Variants in TTLL7 observed in about 807,000 individuals in gnomAD.
TTLL7 encodes the protein tubulin polyglutamylase TTLL7.
A neutral mutation model predicts 120.2 loss-of-function variants in TTLL7; 53 were observed. That is an observed-to-expected ratio of 0.44 (90% CI 0.35 to 0.55). TTLL7 has a LOEUF of 0.55. Ranked by LOEUF, TTLL7 falls within the 20% of genes least tolerant of loss-of-function variation. The pLI, the probability that TTLL7 is intolerant of heterozygous loss-of-function variation, is 0.00. For missense variants in TTLL7, 803 were observed against 1,054.7 expected, an observed-to-expected ratio of 0.76 and a Z score of 3.31; for synonymous variants, 353 against 351.7, an observed-to-expected ratio of 1.00 and a Z score of -0.04.
intron 1 of TTLL7, among the ~76,000 whole-genome samples, chr1:83,991,947 T>C (rs1385824091): frequency 6.6e-6 from 1 of 152,172 alleles, no homozygotes; most frequent in African/African-American, 2.4e-5. Context: ...ACAGATACTC[T>C]CTTAAGCACA....
rs1654603267 is a variant in TTLL7, at chr1:83,882,461, G to A, written c.2543+502C>T. Among the ~76,000 whole-genome samples, 4 of 151,764 alleles carry A rather than the reference G, an allele frequency of 2.6e-5. No individual in the cohort carries two copies. The South Asian group carries it at 6.2e-4, about 24-fold the overall frequency. ...ACAATATTGCTTTTCATGCTTTTTG[G>A]AAAACTATTTTAACTGGATATTTAT... On this transcript the variant is annotated intron_variant, in intron 20 of 20. Transcript: ENST00000260505.
chr1:83,919,091 T>C (rs565656402), intron 13 of TTLL7, among the ~76,000 whole-genome samples: 71 of 152,124 alleles, frequency 4.7e-4, no homozygotes, highest in Non-Finnish European at 9.0e-4. Flanking sequence ...CTAGCCCCAG[T>C]TGGGCATTCA....
At chr1:83,886,865 TC>T (rs1655016030) in intron 19 of TTLL7, among the ~76,000 whole-genome samples, 1 of 151,970 alleles carries the variant, frequency 6.6e-6, no homozygotes, top group Admixed American at 6.6e-5. Flanking sequence ...TAAGTTTGAG[TC>T]CCATAGAACC....
chr1:83,934,717 T>C (rs939647512), intron 8 of TTLL7, among the ~76,000 whole-genome samples: 3 of 152,174 alleles, frequency 2.0e-5, no homozygotes, highest in Non-Finnish European at 1.5e-5. Context: ...GTATAGGCAA[T>C]AGAAAAAGAC....
Position 83,866,326 on chromosome 1 carries a change from A to G in TTLL7, c.*3636T>C, listed in dbSNP as rs937753623. The G allele has an allele frequency of 2.0e-5, 3 of 151,926 alleles. No individual in the cohort carries two copies. Among genetic ancestry groups the G allele is most frequent in the African/African-American group, 7.2e-5 (3 of 41,460 alleles). 9.4% of individuals were successfully genotyped at this position (151,926 alleles called of 1,614,324 possible). On this transcript the variant is annotated 3_prime_UTR_variant, in exon 21 of 21. Coordinates refer to ENST00000260505, the MANE Select transcript of TTLL7 (RefSeq NM_024686.6). ...CTAAAGAAATTTTTTAACTATTAGT[A>G]CTTTGACATGCTAAAGAAGAACGTA...
At chr1:83,945,747 TATATAA>T (rs1448838920) in intron 6 of TTLL7, among the ~76,000 whole-genome samples, 6 of 151,852 alleles carry the variant, frequency 4.0e-5, no homozygotes, top group African/African-American at 9.6e-5. Flanking sequence ...CAAATATAAG[TATATAA>T]ATATAGATAT....
At chr1:83,979,678 C>A (rs1277727584) in intron 1 of TTLL7, 1 of 152,134 alleles carries the variant, frequency 6.6e-6, no homozygotes, top group Non-Finnish European at 1.5e-5. Context: ...TTGGCCTACA[C>A]CTAGGAATGA....
intron 8 of TTLL7, among the ~76,000 whole-genome samples, chr1:83,937,502 C>T (rs992569278): frequency 6.6e-6 from 1 of 152,172 alleles, no homozygotes. Context: ...TGTGCCCGGC[C>T]TAGTACAGTA....
Position 83,865,612 on chromosome 1 carries a change from C to T in TTLL7, c.*4350G>A, listed in dbSNP as rs112661306. ...TAATATACCAATTTTGGTTGCAAGA[C>T]TTATTTGTAGCCATATATCTTGCTT... On this transcript the variant is annotated 3_prime_UTR_variant, in exon 21 of 21. Coordinates refer to ENST00000260505, the MANE Select transcript of TTLL7 (RefSeq NM_024686.6). 374 of 152,076 alleles carry T rather than the reference C, an allele frequency of 2.5e-3. 3 individuals are homozygous for T. Among genetic ancestry groups the T allele is most frequent in the African/African-American group, 8.7e-3 (363 of 41,542 alleles). 9.4% of individuals were successfully genotyped at this position (152,076 alleles called of 1,614,324 possible). A position where few individuals can be genotyped will look rare whatever the true frequency, so the allele number is the denominator to read the frequency against.
chr1:83,954,826 A>T (rs1649369092), intron 1 of TTLL7, among the ~76,000 whole-genome samples: 3 of 152,072 alleles, frequency 2.0e-5, no homozygotes. Context: ...CCAAATAGGT[A>T]AAAATTACCC....
Position 83,892,529 on chromosome 1 carries a change from TATGAACATATGA to T in TTLL7, c.2209-2060_2209-2049del, listed in dbSNP as rs1655696751. Among the ~76,000 whole-genome samples the T allele has an allele frequency of 5.7e-5, 3 of 53,080 alleles. No individual in the cohort carries two copies. In the South Asian group the frequency reaches 1.3e-3, roughly 24 times the overall value. 34.8% of individuals were successfully genotyped at this position (53,080 alleles called of 152,430 possible). A position where few individuals can be genotyped will look rare whatever the true frequency, so the allele number is the denominator to read the frequency against. On this transcript the variant is annotated intron_variant, in intron 18 of 20. Transcript: ENST00000260505. ...GAATGAACATATATATGAACATATATATGAACATATGAATGAACATATATATGAACATATGAA... is the reference window on the plus strand; with the variant it reads ...GAATGAACATATATATGAACATATATATGAACATATATATGAACATATGAA...
At chr1:83,964,503 G>A (rs770513272) in intron 1 of TTLL7, among the ~76,000 whole-genome samples, 3 of 151,958 alleles carry the variant, frequency 2.0e-5, no homozygotes. Context: ...TTTAATTATT[G>A]TTTCATTATT....
intron 1 of TTLL7, among the ~76,000 whole-genome samples, chr1:83,985,197 T>C (rs974131070): frequency 6.6e-6 from 1 of 152,128 alleles, no homozygotes. Flanking sequence ...AAGCCGACAG[T>C]ATAGCCTTCA....
chr1:83,933,415 A>G (rs963684370), intron 9 of TTLL7, among the ~76,000 whole-genome samples, 193 bp downstream of exon 9: 20 of 152,312 alleles, frequency 1.3e-4, no homozygotes, highest in Admixed American at 2.6e-4. Flanking sequence ...GGGAAAAGTA[A>G]TATCAAACAC....
At chr1:83,959,474 T>C (rs1649825266) in intron 1 of TTLL7, among the ~76,000 whole-genome samples, 1 of 152,156 alleles carries the variant, frequency 6.6e-6, no homozygotes, top group Non-Finnish European at 1.5e-5. Context: ...CATAATCTGC[T>C]TTGGAAAGCA....
intron 13 of TTLL7, among the ~76,000 whole-genome samples, chr1:83,919,104 T>C (rs150579763): frequency 6.6e-6 from 1 of 152,130 alleles, no homozygotes; most frequent in East Asian, 1.9e-4. Flanking sequence ...GGCATTCAGA[T>C]ACATGCTACT....
At chr1:83,951,101 G>A (rs1266918983) in intron 3 of TTLL7, among the ~76,000 whole-genome samples, 1 of 152,136 alleles carries the variant, frequency 6.6e-6, no homozygotes, top group African/African-American at 2.4e-5. Flanking sequence ...TGTAATCCCA[G>A]CACTTTGGGA....
At chr1:83,982,852 C>T (rs1652095307) in intron 1 of TTLL7, among the ~76,000 whole-genome samples, 1 of 152,104 alleles carries the variant, frequency 6.6e-6, no homozygotes, top group Non-Finnish European at 1.5e-5. Flanking sequence ...CCAAACAATC[C>T]TAAGCAAAAA....
Position 83,948,704 on chromosome 1 carries a change from T to G in TTLL7, c.280-9A>C. On this transcript the variant is annotated splice_polypyrimidine_tract_variant and intron_variant, in intron 4 of 20. Coordinates refer to ENST00000260505, the MANE Select transcript of TTLL7 (RefSeq NM_024686.6). ...GGAAAATGGTTGATCCTCTGGAAAATAAAAAGGTAAATATTAATATTCTCA... is the reference window on the plus strand; with the variant it reads ...GGAAAATGGTTGATCCTCTGGAAAAGAAAAAGGTAAATATTAATATTCTCA... The G allele has an allele frequency of 6.3e-7, 1 of 1,584,324 alleles. No homozygotes were observed. Among genetic ancestry groups the G allele is most frequent in the Non-Finnish European group, 8.7e-7 (1 of 1,154,468 alleles).
Sources: allele counts gnomAD v4.1 joint callset (sites outside exome capture counted in the v4.1 genomes callset), GRCh38; gene constraint gnomAD v4.1.1; transcripts MANE v1.5; gene names NCBI Gene and HGNC (gene_info 2026-07-23, HGNC 2026-07-21).